Variants in BICDL1 observed in about 807,000 individuals in gnomAD.
The protein encoded by BICDL1 is BICD family-like cargo adapter 1.
A neutral mutation model predicts 76.8 loss-of-function variants in BICDL1; 20 were observed. That is an observed-to-expected ratio of 0.26 (90% CI 0.18 to 0.38). BICDL1 has a LOEUF of 0.38. Among genes scored for constraint, BICDL1 ranks in the 10% least tolerant of loss-of-function variants. The pLI, the probability that BICDL1 is intolerant of heterozygous loss-of-function variation, is 1.00. For missense variants in BICDL1, 700 were observed against 798.6 expected (o/e 0.88, Z 1.49); for synonymous variants, 383 against 337.1 (o/e 1.14, Z -1.49).
At chr12:120,081,925 AT>A (rs1874023071) in intron 8 of BICDL1, among the ~76,000 whole-genome samples, 1 of 150,260 alleles carries the variant, frequency 6.7e-6, no homozygotes, top group Non-Finnish European at 1.5e-5. Flanking sequence ...ACCAGAAAGA[AT>A]TAAAAAAAAA....
At chr12:120,064,562 T>G in intron 3 of BICDL1, 171 bp from the exon 4 acceptor site, 1 of 516,570 alleles carries the variant, frequency 1.9e-6, no homozygotes, top group South Asian at 3.4e-5. Flanking sequence ...AGGGGAGGGG[T>G]TTTCTCTTCA....
At chr12:120,074,764 A>T (rs1036547509) in intron 7 of BICDL1, among the ~76,000 whole-genome samples, 178 bp downstream of exon 7, 1 of 152,256 alleles carries the variant, frequency 6.6e-6, no homozygotes, top group African/African-American at 2.4e-5. Context: ...AGAAGAACCC[A>T]GTCCTTTAGC....
chr12:120,017,731 GAAA>G (rs111595033), intron 2 of BICDL1, among the ~76,000 whole-genome samples: 3 of 146,452 alleles, frequency 2.0e-5, no homozygotes, highest in Non-Finnish European at 4.5e-5. Context: ...GACCCTGCCT[GAAA>G]AAAAAAAGAA....
At chr12:120,072,795 T>C in intron 6 of BICDL1, 66 bp downstream of exon 6, 1 of 1,365,994 alleles carries the variant, frequency 7.3e-7, no homozygotes, top group Non-Finnish European at 1.0e-6. Flanking sequence ...TAGAACCCAG[T>C]GCATAGGGTG....
chr12:120,048,306 TTAAGA>T (rs1347002656), intron 2 of BICDL1, among the ~76,000 whole-genome samples: 1 of 152,182 alleles, frequency 6.6e-6, no homozygotes, highest in African/African-American at 2.4e-5. Context: ...CTCCTGATTG[TTAAGA>T]TAATACAACC....
At chr12:120,069,971 C>T (rs1262782104) in intron 4 of BICDL1, among the ~76,000 whole-genome samples, 4 of 152,208 alleles carry the variant, frequency 2.6e-5, no homozygotes, top group African/African-American at 9.7e-5. Flanking sequence ...CATGTTGTGG[C>T]ATATAGTAGC....
chr12:120,023,680 C>T (rs757090934), intron 2 of BICDL1, among the ~76,000 whole-genome samples: 10 of 151,918 alleles, frequency 6.6e-5, no homozygotes, highest in Non-Finnish European at 1.3e-4. Flanking sequence ...ATCCCAGCTA[C>T]TCAGGAGGCT....
intron 2 of BICDL1, among the ~76,000 whole-genome samples, chr12:120,055,632 GAT>G (rs1366012034): frequency 1.8e-4 from 28 of 152,302 alleles, no homozygotes; most frequent in Admixed American, 1.7e-3. Flanking sequence ...CAGAACTAGA[GAT>G]ATTTTTCAAA....
Position 120,022,776 on chromosome 12 carries a change from T to TGAA in BICDL1, c.645+24040_645+24041insGAA, listed in dbSNP as rs989153721. 2.0e-5 allele frequency among the ~76,000 whole-genome samples: 3 copies of TGAA among 151,966 alleles called. No individual in the cohort carries two copies. In the East Asian group the frequency reaches 5.8e-4, roughly 29 times the overall value. On this transcript the variant is annotated intron_variant, in intron 2 of 9. Coordinates refer to ENST00000548673, the MANE Select transcript of BICDL1 (RefSeq NM_001367886.1). ...ACAATTGCCCCCAGACTGCCTTGACTTTCAAAGCTGTAGCACCAGAAGCAG... is the reference window on the plus strand; with the variant it reads ...ACAATTGCCCCCAGACTGCCTTGACTGAATTCAAAGCTGTAGCACCAGAAGCAG...
At chr12:120,075,554 A>G (rs564904292) in intron 7 of BICDL1, among the ~76,000 whole-genome samples, 1 of 152,062 alleles carries the variant, frequency 6.6e-6, no homozygotes, top group African/African-American at 2.4e-5. Context: ...CACCATGCCC[A>G]ACTAATTTTT....
intron 2 of BICDL1, among the ~76,000 whole-genome samples, chr12:120,034,326 C>T (rs561515506): frequency 1.3e-5 from 2 of 152,284 alleles, no homozygotes; most frequent in African/African-American, 2.4e-5. Flanking sequence ...CTCAAGAAGG[C>T]GTGACTGGAC....
intron 2 of BICDL1, among the ~76,000 whole-genome samples, chr12:120,025,636 C>CTTTAAATA (rs1952283967): frequency 1.3e-5 from 2 of 152,188 alleles, no homozygotes; most frequent in African/African-American, 4.8e-5. Context: ...TCACTCCAGA[C>CTTTAAATA]TGTATGCTTT....
chr12:120,049,236 C>T (rs1952807917), intron 2 of BICDL1, among the ~76,000 whole-genome samples: 1 of 152,084 alleles, frequency 6.6e-6, no homozygotes, highest in South Asian at 2.1e-4. Flanking sequence ...AGAGTTAGTC[C>T]TGTGAAAAAT....
intron 2 of BICDL1, among the ~76,000 whole-genome samples, chr12:120,058,148 A>G (rs1953021338): frequency 6.6e-6 from 1 of 152,098 alleles, no homozygotes; most frequent in African/African-American, 2.4e-5. Context: ...CTGCTTCTTA[A>G]GGCTATTGTA....
chr12:119,997,644 TTAC>T (rs1951677816), intron 1 of BICDL1, among the ~76,000 whole-genome samples: 1 of 152,216 alleles, frequency 6.6e-6, no homozygotes, highest in South Asian at 2.1e-4. Context: ...GCTTTGCCGT[TTAC>T]TAGTAGTGAC....
intron 2 of BICDL1, among the ~76,000 whole-genome samples, chr12:120,041,692 A>T (rs972103750): frequency 3.3e-5 from 5 of 152,166 alleles, no homozygotes; most frequent in African/African-American, 1.2e-4. Flanking sequence ...AAGAGACCCG[A>T]GTGGAGTGCA....
rs151261232 is a variant in BICDL1 at position 120,030,951 on chromosome 12, T to A, written c.646-30759T>A. Among the ~76,000 whole-genome samples the A allele has an allele frequency of 6.7e-3, 1,016 of 152,294 alleles. 4 individuals are homozygous for A. The highest frequency in any genetic ancestry group is 8.9e-3 in the Non-Finnish European group (608 of 68,024). On this transcript the variant is annotated intron_variant, in intron 2 of 9. Transcript: ENST00000548673. ...GACTTGACCAAATTTCAAATTTCTC[T>A]TATAGAACATGTTTCTAGATATGAG...
rs376509460 is a variant in BICDL1, at chr12:120,073,154, G to A, written c.1308+425G>A. ...CTCCTAAAGTGCTGGGATTGCAGGC[G>A]TGAGCCACCACGCCAGGCCGTGAGC... On this transcript the variant is annotated intron_variant, in intron 6 of 9. Coordinates refer to ENST00000548673, the MANE Select transcript of BICDL1 (RefSeq NM_001367886.1). Among the ~76,000 whole-genome samples the A allele has an allele frequency of 1.5e-4, 23 of 152,304 alleles. No individual in the cohort carries two copies. In the South Asian group the frequency reaches 4.8e-3, roughly 32 times the overall value.
intron 8 of BICDL1, 47 bp from the exon 9 acceptor site, chr12:120,089,904 C>T: frequency 6.2e-7 from 1 of 1,600,642 alleles, no homozygotes; most frequent in Non-Finnish European, 8.5e-7. Context: ...GACCAAGATG[C>T]CTCTGGCACA....
Sources: gnomAD v4.1 joint callset for allele counts (sites outside exome capture counted in the v4.1 genomes callset) on GRCh38, gnomAD v4.1.1 for gene constraint, MANE v1.5 for transcripts, NCBI Gene and HGNC (gene_info 2026-07-23, HGNC 2026-07-21) for gene names.